Variants in DENND5B observed in about 807,000 individuals in gnomAD.
DENND5B encodes the protein DENN domain-containing protein 5B.
DENND5B carries 34 observed loss-of-function variants against 140.6 expected under a neutral mutation model. The ratio of observed to expected loss-of-function variants is 0.24; its 90% CI spans 0.18 to 0.32. The LOEUF (loss-of-function observed/expected upper bound fraction) is 0.32, where lower values mean the gene tolerates loss of function less well. Ranked by LOEUF, DENND5B falls within the 10% of genes least tolerant of loss-of-function variation. DENND5B has a pLI of 1.00. For synonymous variants in DENND5B, 551 were observed against 562.1 expected, an observed-to-expected ratio of 0.98 and a Z score of 0.28; for missense variants, 1,142 against 1,560.2, an observed-to-expected ratio of 0.73 and a Z score of 4.52.
intron 5 of DENND5B, 95 bp downstream of exon 5, chr12:31,451,845 T>C: frequency 7.2e-7 from 1 of 1,398,224 alleles, no homozygotes; most frequent in Non-Finnish European, 9.7e-7. Context: ...AATATATGGG[T>C]AAGCATAGGC....
Position 31,452,239 on chromosome 12 carries a change from T to C in DENND5B, c.1330A>G (p.Met444Val), listed in dbSNP as rs574608465. The C allele has an allele frequency of 2.0e-5, 32 of 1,613,994 alleles. 1 individual carries two copies. In the South Asian group the frequency reaches 3.2e-4, roughly 16 times the overall value. The stretch of plus-strand genomic sequence containing the variant: ...TCATTGCCCTTCAGTAACTCATACA[T>C]GCTGATGTTATTAGTACAGACATTG... ...NGNVCTNNISMYELLKGNETI... is the reference protein window; with the variant it reads ...NGNVCTNNISVYELLKGNETI... Residue 444 changes from methionine (M) to valine (V), a missense_variant, in exon 5 of 21, where the codon ATG (methionine) becomes GTG (valine). By Grantham distance (21) the Met-to-Val change is conservative. Around this residue, in one of 5 missense-constraint regions of DENND5B, gnomAD observed 708 missense variants for 905.5 expected, o/e 0.78. Coordinates refer to ENST00000389082, the MANE Select transcript of DENND5B (RefSeq NM_144973.4).
In DENND5B at chr12:31,479,926, T is replaced by G; in HGVS notation, c.567A>C (p.Ser189=). 1.2e-6 allele frequency: 2 copies of G among 1,614,012 alleles called. No individual in the cohort carries two copies. The highest frequency in any genetic ancestry group is 2.2e-5 in the South Asian group (2 of 91,084). ...YDISRDTLYV[S]KSICLITPLP... The stretch of plus-strand genomic sequence containing the variant: ...ACGGTGTGATCAAGCATATACTTTT[T>G]GAAACATACAGGGTGTCTCTGCTAA... The change falls in exon 3 of 21, where the codon TCA becomes TCC. Residue 189 remains serine, a synonymous_variant. Transcript: ENST00000389082.
Position 31,590,892 on chromosome 12 carries a change from G to A in DENND5B, c.-60C>T, listed in dbSNP as rs1950597656. 8.5e-7 allele frequency: 1 copy of A among 1,175,606 alleles called. No individual in the cohort carries two copies. 72.8% of individuals were successfully genotyped at this position (1,175,606 alleles called of 1,614,324 possible). A position where few individuals can be genotyped will look rare whatever the true frequency, so the allele number is the denominator to read the frequency against. On this transcript the variant is annotated 5_prime_UTR_variant, in exon 1 of 21. Transcript: ENST00000389082. ...CCGCCCGGGAAGGCTTTCTGCGGAG[G>A]CTGCCACCACCGCTCCGGCTGTGGT...
intron 5 of DENND5B, among the ~76,000 whole-genome samples, chr12:31,448,436 C>T (rs1944368159): frequency 6.6e-6 from 1 of 152,032 alleles, no homozygotes; most frequent in Non-Finnish European, 1.5e-5. Context: ...CGCCCAGCTA[C>T]AAGTTGTAAT....
In DENND5B at chr12:31,562,926, C is replaced by CT. The variant is rs36081364; in HGVS notation, c.127+27779dup. On this transcript the variant is annotated intron_variant, in intron 1 of 20. Coordinates refer to ENST00000389082, the MANE Select transcript of DENND5B (RefSeq NM_144973.4). Reference sequence around the variant, plus strand: ...CATCTATAAACTGCTTTCCTTTTTCCTTTTTTTTTTTTTTTAACAAATTCT... The same window carrying CT: ...CATCTATAAACTGCTTTCCTTTTTCCTTTTTTTTTTTTTTTTAACAAATTCT... 2.3e-3 allele frequency among the ~76,000 whole-genome samples: 342 copies of CT among 147,588 alleles called. 4 individuals are homozygous for CT. Among genetic ancestry groups the CT allele is most frequent in the East Asian group, 0.02 (102 of 5,102 alleles).
intron 13 of DENND5B, among the ~76,000 whole-genome samples, chr12:31,413,055 T>C (rs1398830655): frequency 6.6e-6 from 1 of 152,104 alleles, no homozygotes; most frequent in East Asian, 1.9e-4. Context: ...TGAATAGCCA[T>C]GACTACAGGT....
chr12:31,464,690 A>T (rs186151880), intron 3 of DENND5B, among the ~76,000 whole-genome samples: 20 of 152,160 alleles, frequency 1.3e-4, no homozygotes, highest in African/African-American at 4.8e-4. Flanking sequence ...CCTCCCGAGT[A>T]GCTTGGATTA....
intron 1 of DENND5B, among the ~76,000 whole-genome samples, chr12:31,518,936 C>T (rs976813035): frequency 6.6e-6 from 1 of 152,194 alleles, no homozygotes; most frequent in Non-Finnish European, 1.5e-5. Flanking sequence ...ATTAAACCTG[C>T]GTCAGAAATG....
At chr12:31,459,727 G>C (rs890620792) in intron 4 of DENND5B, among the ~76,000 whole-genome samples, 3 of 152,140 alleles carry the variant, frequency 2.0e-5, no homozygotes, top group African/African-American at 7.2e-5. Context: ...CCTTGTATCT[G>C]AAAACAGAGA....
intron 3 of DENND5B, among the ~76,000 whole-genome samples, chr12:31,464,078 A>G (rs1945147886): frequency 1.3e-5 from 2 of 152,148 alleles, no homozygotes; most frequent in Admixed American, 6.5e-5. Flanking sequence ...TTTAAACTTA[A>G]ATATTTTAGG....
intron 3 of DENND5B, among the ~76,000 whole-genome samples, chr12:31,467,767 A>T (rs1945346803): frequency 6.6e-6 from 1 of 152,260 alleles, no homozygotes. Context: ...TTTTATAGTT[A>T]TCTGTGAAGA....
chr12:31,421,042 C>CA (rs1942995464), intron 11 of DENND5B, among the ~76,000 whole-genome samples: 1 of 152,084 alleles, frequency 6.6e-6, no homozygotes. Flanking sequence ...TCAAACCCAT[C>CA]AAAATTTTTT....
At chr12:31,451,282 T>C (rs1944507637) in intron 5 of DENND5B, among the ~76,000 whole-genome samples, 1 of 152,172 alleles carries the variant, frequency 6.6e-6, no homozygotes, top group Non-Finnish European at 1.5e-5. Context: ...TTAACAGATT[T>C]GGAAAACCTG....
chr12:31,396,053 C>CCT (rs1399702795), intron 17 of DENND5B, among the ~76,000 whole-genome samples: 12 of 102,836 alleles, frequency 1.2e-4, no homozygotes, highest in East Asian at 3.2e-4. Flanking sequence ...GTTGGCATTC[C>CCT]TTGTTTTTTT....
At chr12:31,499,728 G>A in intron 1 of DENND5B, 1 of 1,329,082 alleles carries the variant, frequency 7.5e-7, no homozygotes, top group Non-Finnish European at 9.8e-7. Flanking sequence ...CAAACAAAAA[G>A]CAAAAATGAC....
chr12:31,398,062 TTTC>T (rs1185956158), intron 17 of DENND5B, 110 bp downstream of exon 17: 3 of 1,033,402 alleles, frequency 2.9e-6, no homozygotes, highest in African/African-American at 4.5e-5. Context: ...TTTCCTCAAC[TTTC>T]TTCTTTTTAA....
intron 1 of DENND5B, among the ~76,000 whole-genome samples, chr12:31,565,390 T>C (rs1330925522): frequency 6.6e-6 from 1 of 152,264 alleles, no homozygotes; most frequent in East Asian, 1.9e-4. Context: ...GTAAATCTAT[T>C]GAGTCCTTTT....
chr12:31,491,557 G>A (rs1423901971), intron 2 of DENND5B, among the ~76,000 whole-genome samples: 1 of 152,010 alleles, frequency 6.6e-6, no homozygotes, highest in Non-Finnish European at 1.5e-5. Flanking sequence ...AGGGAGGAAG[G>A]GAAAGGGAAA....
chr12:31,522,321 A>C (rs181460566), intron 1 of DENND5B, among the ~76,000 whole-genome samples: 2 of 152,304 alleles, frequency 1.3e-5, no homozygotes, highest in Admixed American at 1.3e-4. Flanking sequence ...CAGGAACTAA[A>C]ATTTGCTGTA....
Sources: gnomAD v4.1 joint callset for allele counts (sites outside exome capture counted in the v4.1 genomes callset) on GRCh38, gnomAD v4.1.1 for gene constraint, gnomAD v4.1.1 regional missense constraint, MANE v1.5 for transcripts, NCBI Gene and HGNC (gene_info 2026-07-23, HGNC 2026-07-21) for gene names.